The following SPATA17 variants were observed in gnomAD, a reference collection of about 807,000 sequenced individuals.
The protein encoded by SPATA17 is spermatogenesis associated 17, also known as spermatogenesis-associated protein 17.
A neutral mutation model predicts 62.2 loss-of-function variants in SPATA17; 53 were observed. That is an observed-to-expected ratio of 0.85 (90% CI 0.68 to 1.07). SPATA17 has a LOEUF of 1.07. Ranked by LOEUF, SPATA17 falls within the 50% of genes least tolerant of loss-of-function variation. The probability of loss-of-function intolerance (pLI) is 0.00; values close to 1 mark genes in which losing one functional copy is unlikely to be tolerated. For missense variants in SPATA17, 466 were observed against 425.5 expected (o/e 1.10, Z -0.84); for synonymous variants, 146 against 146.8 (o/e 0.99, Z 0.04).
At chr1:217,804,174 C>CAATA (rs1289692600) in intron 9 of SPATA17, among the ~76,000 whole-genome samples, 1 of 152,126 alleles carries the variant, frequency 6.6e-6, no homozygotes, top group African/African-American at 2.4e-5. Flanking sequence ...TCATAGTAAT[C>CAATA]AATACAACAT....
chr1:217,740,100 T>C (rs766631852), intron 5 of SPATA17, among the ~76,000 whole-genome samples: 5 of 145,142 alleles, frequency 3.4e-5, no homozygotes, highest in Non-Finnish European at 6.1e-5. Context: ...TGATTTTGTA[T>C]CCAAGTTCTA....
At chr1:217,713,739 G>T (rs990051263) in intron 5 of SPATA17, among the ~76,000 whole-genome samples, 3 of 152,352 alleles carry the variant, frequency 2.0e-5, no homozygotes, top group Non-Finnish European at 4.4e-5. Context: ...AAAGTGTGTA[G>T]TCATTGTGCT....
At chr1:217,806,530 G>A (rs898273352) in intron 9 of SPATA17, among the ~76,000 whole-genome samples, 3 of 152,084 alleles carry the variant, frequency 2.0e-5, no homozygotes, top group Non-Finnish European at 4.4e-5. Context: ...CCCACAATCG[G>A]CCTTAATTCT....
chr1:217,679,541 C>T (rs1671029901), intron 4 of SPATA17, among the ~76,000 whole-genome samples: 1 of 152,224 alleles, frequency 6.6e-6, no homozygotes, highest in South Asian at 2.1e-4. Flanking sequence ...AAGAAAGCCA[C>T]TTAAAGACTG....
chr1:217,778,425 G>A (rs904503669), intron 7 of SPATA17, among the ~76,000 whole-genome samples: 3 of 152,076 alleles, frequency 2.0e-5, no homozygotes, highest in Admixed American at 6.6e-5. Context: ...GGAGGCTGAG[G>A]CAGGAGAATC....
intron 5 of SPATA17, among the ~76,000 whole-genome samples, chr1:217,684,680 T>C (rs1430772992): frequency 1.3e-5 from 2 of 152,110 alleles, no homozygotes; most frequent in Non-Finnish European, 2.9e-5. Flanking sequence ...CCTCCCAAAG[T>C]GTTGGGATTA....
chr1:217,765,117 C>T (rs1673264115), intron 6 of SPATA17, among the ~76,000 whole-genome samples: 1 of 151,402 alleles, frequency 6.6e-6, no homozygotes, highest in East Asian at 1.9e-4. Context: ...GTAGTAATGT[C>T]TTCCCTTTCA....
chr1:217,837,304 A>G (rs1675283191), intron 9 of SPATA17, among the ~76,000 whole-genome samples: 1 of 152,170 alleles, frequency 6.6e-6, no homozygotes, highest in Non-Finnish European at 1.5e-5. Flanking sequence ...TGTATGTATT[A>G]TAGTCACAAG....
chr1:217,736,552 A>C (rs1422491351), intron 5 of SPATA17, among the ~76,000 whole-genome samples: 1 of 115,980 alleles, frequency 8.6e-6, no homozygotes, highest in African/African-American at 2.7e-5. Flanking sequence ...AGTAAATACA[A>C]TTTAAGTGAA....
At chr1:217,791,917 T>C (rs1429102173) in intron 8 of SPATA17, among the ~76,000 whole-genome samples, 1 of 152,008 alleles carries the variant, frequency 6.6e-6, no homozygotes, top group Non-Finnish European at 1.5e-5. Context: ...ACGTTGGTAA[T>C]GGAGGGTAGA....
intron 5 of SPATA17, among the ~76,000 whole-genome samples, chr1:217,688,838 G>A (rs901457423): frequency 4.6e-5 from 7 of 151,954 alleles, no homozygotes; most frequent in Admixed American, 4.6e-4. Flanking sequence ...AATCGGTGGG[G>A]GAAAGGAGCT....
At chr1:217,685,959 A>G (rs1182079223) in intron 5 of SPATA17, among the ~76,000 whole-genome samples, 1 of 152,142 alleles carries the variant, frequency 6.6e-6, no homozygotes, top group Non-Finnish European at 1.5e-5. Context: ...ATTGATGCTA[A>G]TCTCTTACTG....
intron 6 of SPATA17, among the ~76,000 whole-genome samples, chr1:217,744,628 C>T (rs189909360): frequency 9.2e-5 from 14 of 152,172 alleles, no homozygotes; most frequent in Non-Finnish European, 1.8e-4. Context: ...ATATAAGCTG[C>T]TGATAATATC....
chr1:217,651,244 G>C (rs2102884169), intron 3 of SPATA17, 66 bp downstream of exon 3: 1 of 1,296,088 alleles, frequency 7.7e-7, no homozygotes, highest in South Asian at 1.4e-5. Flanking sequence ...ACTCACTTTA[G>C]TCATATTTCC....
chr1:217,825,040 A>G (rs1367076651), intron 9 of SPATA17, among the ~76,000 whole-genome samples: 2 of 69,110 alleles, frequency 2.9e-5, no homozygotes, highest in African/African-American at 1.1e-4. Context: ...AATTCAATAC[A>G]TATACAAATG....
chr1:217,806,655 C>T (rs1356943637), intron 9 of SPATA17, among the ~76,000 whole-genome samples: 3 of 152,174 alleles, frequency 2.0e-5, no homozygotes, highest in Non-Finnish European at 4.4e-5. Flanking sequence ...GTCCCATCAT[C>T]TCTTTATCTA....
chr1:217,798,597 G>T (rs1674215370), intron 8 of SPATA17, among the ~76,000 whole-genome samples: 2 of 152,176 alleles, frequency 1.3e-5, no homozygotes, highest in African/African-American at 4.8e-5. Context: ...TTAGAGAGAG[G>T]AATGTGATAA....
At chr1:217,778,586 A>G (rs961682070) in intron 7 of SPATA17, among the ~76,000 whole-genome samples, 1 of 152,214 alleles carries the variant, frequency 6.6e-6, no homozygotes, top group African/African-American at 2.4e-5. Context: ...TTGGTACTAC[A>G]TGGAATTCAT....
chr1:217,746,831 T>G (rs144246101), intron 6 of SPATA17, among the ~76,000 whole-genome samples: 16 of 152,152 alleles, frequency 1.1e-4, no homozygotes, highest in African/African-American at 3.1e-4. Context: ...TTTTATTAAT[T>G]AAAAAGTTCA....
Sources: gnomAD v4.1 joint callset for allele counts (sites outside exome capture counted in the v4.1 genomes callset) on GRCh38, gnomAD v4.1.1 for gene constraint, MANE v1.5 for transcripts, NCBI Gene and HGNC (gene_info 2026-07-23, HGNC 2026-07-21) for gene names.